SRSF12: variants seen among roughly 807,000 people sequenced by gnomAD.
The protein encoded by SRSF12 is serine and arginine rich splicing factor 12, also known as serine/arginine-rich splicing factor 12.
Under a neutral mutation model 34.1 loss-of-function variants are expected in SRSF12, and 21 were observed. That is an observed-to-expected ratio of 0.62 (90% CI 0.44 to 0.89). The LOEUF is 0.89. SRSF12 is among the 40% of genes least tolerant of loss of function. The pLI is 0.00. For synonymous variants in SRSF12, 111 were observed against 110.8 expected (o/e 1.00, Z -0.01); for missense variants, 278 against 327.8 (o/e 0.85, Z 1.17).
Position 89,098,396 on chromosome 6 carries a change from T to C in SRSF12, c.*182A>G. On this transcript the variant is annotated 3_prime_UTR_variant, in exon 5 of 5. Transcript: ENST00000452027. ...ATTAGACAAATCATAATTTGTAGTG[T>C]GGGCCCTTTAAATGGAGACCAAATT... 1.6e-6 allele frequency: 1 copy of C among 642,330 alleles called. No individual in the cohort carries two copies. Among genetic ancestry groups the C allele is most frequent in the Non-Finnish European group, 2.4e-6 (1 of 412,134 alleles). 39.8% of individuals were successfully genotyped at this position (642,330 alleles called of 1,614,324 possible).
chr6:89,112,574 G>A (rs532163850), intron 1 of SRSF12, among the ~76,000 whole-genome samples: 2 of 148,552 alleles, frequency 1.3e-5, no homozygotes, highest in South Asian at 2.1e-4. Context: ...CACCATGCCC[G>A]GCTAACTTTT....
Position 89,107,814 on chromosome 6 carries a change from G to T in SRSF12, c.66-556C>A, listed in dbSNP as rs991647057. On this transcript the variant is annotated intron_variant, in intron 1 of 4. Transcript: ENST00000452027. ...TTGGAGGTTCTGATTCAGGAAGTAT[G>T]GATTAGAGGCTGGAAATCTGTATCT... is the stretch of plus-strand genomic sequence containing the variant. 3.3e-5 allele frequency among the ~76,000 whole-genome samples: 5 copies of T among 152,126 alleles called. No homozygotes were observed. In the East Asian group the frequency reaches 9.6e-4, roughly 29 times the overall value.
At chr6:89,107,308 A>G (rs1405943198) in intron 1 of SRSF12, 50 bp from the exon 2 acceptor site, 7 of 1,449,286 alleles carry the variant, frequency 4.8e-6, no homozygotes, top group Non-Finnish European at 6.7e-6. Context: ...CTGGATTAAA[A>G]TATTTTGCCT....
At chr6:89,105,072 T>C in intron 4 of SRSF12, 47 bp downstream of exon 4, 1 of 1,534,168 alleles carries the variant, frequency 6.5e-7, no homozygotes. Flanking sequence ...ATATATCTAT[T>C]TCCCAGAAAA....
chr6:89,098,552 C>A lies in SRSF12; in HGVS notation c.*26G>T. The A allele has an allele frequency of 6.4e-7, 1 of 1,571,368 alleles. No homozygotes were observed. Among genetic ancestry groups the A allele is most frequent in the Non-Finnish European group, 8.6e-7 (1 of 1,158,442 alleles). On this transcript the variant is annotated 3_prime_UTR_variant, in exon 5 of 5. Coordinates refer to ENST00000452027, the MANE Select transcript of SRSF12 (RefSeq NM_080743.5). ...AGAGTTTAATAACTTATATTAAAGA[C>A]GGCGTGGTGCTCTTTCTGTTGCTGT... is the stretch of plus-strand genomic sequence containing the variant.
At chr6:89,109,086 A>G (rs535810947) in intron 1 of SRSF12, among the ~76,000 whole-genome samples, 1 of 152,328 alleles carries the variant, frequency 6.6e-6, no homozygotes, top group South Asian at 2.1e-4. Flanking sequence ...GAAACAAGAA[A>G]AACACAATTC....
chr6:89,118,019 C>T lies in SRSF12; in HGVS notation c.-132G>A. On this transcript the variant is annotated 5_prime_UTR_variant, in exon 1 of 5. Coordinates refer to ENST00000452027, the MANE Select transcript of SRSF12 (RefSeq NM_080743.5). ...CCCCACCCCTCGGCCTCAGCCCCGC[C>T]AGCGCGCAGCCGCAGAGGCCGGCGC... 1 of 920,250 alleles carries T rather than the reference C, an allele frequency of 1.1e-6. No individual in the cohort carries two copies. The allele number at this position is 920,250 out of a possible 1,614,324, so 57.0% of individuals were successfully genotyped here.
rs190421379 is a variant in SRSF12, at chr6:89,106,136, T to C, written c.171-606A>G. Reference sequence around the variant, plus strand: ...TAAATGTTTATGTTTTTTTCTGTTTTTGAGATGGAGTTTCCCTCTTGTCAC... The same window carrying C: ...TAAATGTTTATGTTTTTTTCTGTTTCTGAGATGGAGTTTCCCTCTTGTCAC... On this transcript the variant is annotated intron_variant, in intron 2 of 4. Transcript: ENST00000452027. 4.5e-3 allele frequency among the ~76,000 whole-genome samples: 683 copies of C among 152,284 alleles called. 5 individuals carry two copies. The highest frequency in any genetic ancestry group is 0.016 in the African/African-American group (660 of 41,562).
chr6:89,111,986 T>C (rs13192989), intron 1 of SRSF12, among the ~76,000 whole-genome samples: 2 of 152,204 alleles, frequency 1.3e-5, no homozygotes, highest in Non-Finnish European at 2.9e-5. Flanking sequence ...GTTTCACCAG[T>C]GAAAAGAAAC....
intron 1 of SRSF12, 144 bp downstream of exon 1, chr6:89,117,679 A>G (rs2127999035): frequency 1.3e-6 from 1 of 757,830 alleles, no homozygotes; most frequent in South Asian, 2.8e-5. Context: ...GAGGGCTCAC[A>G]CCTCCCCAAG....
rs1768282971 is a variant in SRSF12, at chr6:89,096,213, TC to T, written c.*2364del. On this transcript the variant is annotated 3_prime_UTR_variant, in exon 5 of 5. Transcript: ENST00000452027. ...ATAAAGCATATACCTGTCAAAGACT[TC>T]TCTTTGCAAAAGACATAGGAACAGC... 1 of 152,214 alleles carries T rather than the reference TC, an allele frequency of 6.6e-6. No individual in the cohort carries two copies. The highest frequency in any genetic ancestry group is 6.5e-5 in the Admixed American group (1 of 15,278). 9.4% of individuals were successfully genotyped at this position (152,214 alleles called of 1,614,324 possible).
chr6:89,117,221 T>C (rs921151923), intron 1 of SRSF12, among the ~76,000 whole-genome samples: 31 of 152,202 alleles, frequency 2.0e-4, no homozygotes, highest in Admixed American at 2.0e-3. Flanking sequence ...CTCAGAACTT[T>C]AAAGAAAAAC....
intron 1 of SRSF12, among the ~76,000 whole-genome samples, chr6:89,113,323 G>A (rs113479338): frequency 0.012 from 1,852 of 152,168 alleles, 26 homozygotes; most frequent in Non-Finnish European, 0.015. Context: ...ACAGGCGAGT[G>A]CCACCACGCC....
At chr6:89,111,786 G>A (rs1769061671) in intron 1 of SRSF12, among the ~76,000 whole-genome samples, 1 of 151,950 alleles carries the variant, frequency 6.6e-6, no homozygotes, top group Non-Finnish European at 1.5e-5. Context: ...ACATTTATTA[G>A]GTTAAGAAGT....
intron 4 of SRSF12, among the ~76,000 whole-genome samples, chr6:89,104,100 G>A (rs999105665): frequency 1.4e-5 from 2 of 144,668 alleles, no homozygotes; most frequent in African/African-American, 5.2e-5. Context: ...GCCTCCCAAA[G>A]TGCTGAGATT....
intron 1 of SRSF12, among the ~76,000 whole-genome samples, chr6:89,110,001 G>A (rs979907210): frequency 5.9e-5 from 9 of 152,104 alleles, no homozygotes; most frequent in African/African-American, 1.7e-4. Context: ...TGAGGCAGGA[G>A]AATGGTGTGA....
chr6:89,097,931 T>A lies in SRSF12; in HGVS notation c.*647A>T, dbSNP rs904880591. The A allele has an allele frequency of 1.2e-4, 19 of 152,218 alleles. No individual in the cohort carries two copies. Among genetic ancestry groups the A allele is most frequent in the African/African-American group, 4.6e-4 (19 of 41,464 alleles). 9.4% of individuals were successfully genotyped at this position (152,218 alleles called of 1,614,324 possible). ...ATCCAGTATTTCTCAAAAGTTCTGA[T>A]ATTACTAATGTGGTCATGGTGCAGG... On this transcript the variant is annotated 3_prime_UTR_variant, in exon 5 of 5. Transcript: ENST00000452027.
intron 2 of SRSF12, chr6:89,106,878 A>G: frequency 6.4e-6 from 3 of 472,324 alleles, no homozygotes; most frequent in Non-Finnish European, 1.2e-5. Context: ...CCAGGTCTTT[A>G]TATCTGTGTC....
chr6:89,107,189 G>A lies in SRSF12; in HGVS notation c.135C>T (p.Phe45=). The A allele has an allele frequency of 1.2e-6, 2 of 1,614,056 alleles. No individual in the cohort carries two copies. The highest frequency in any genetic ancestry group is 1.6e-4 in the Middle Eastern group (1 of 6,062). ...PIVDVYIPLD[F]YTRRPRGFAY... ...CAAATCCTCTTGGGCGGCGAGTGTA[G>A]AAGTCAAGTGGAATGTAAACGTCTA... is the stretch of plus-strand genomic sequence containing the variant. Residue 45 remains phenylalanine, a synonymous_variant, in exon 2 of 5, where the codon TTC becomes TTT. Coordinates refer to ENST00000452027, the MANE Select transcript of SRSF12 (RefSeq NM_080743.5).
Sources: gnomAD v4.1 joint callset for allele counts (sites outside exome capture counted in the v4.1 genomes callset) on GRCh38, gnomAD v4.1.1 for gene constraint, MANE v1.5 for transcripts, NCBI Gene and HGNC (gene_info 2026-07-23, HGNC 2026-07-21) for gene names.